Variants in DNAH5 observed in about 807,000 individuals in gnomAD.
The protein encoded by DNAH5 is axonemal beta dynein heavy chain 5.
Under a neutral mutation model 518.2 loss-of-function variants are expected in DNAH5, and 372 were observed. The ratio of observed to expected loss-of-function variants is 0.72; its 90% CI spans 0.66 to 0.78. The LOEUF is 0.78. Ranked by LOEUF, DNAH5 falls within the 30% of genes least tolerant of loss-of-function variation. The probability of loss-of-function intolerance (pLI) is 0.00; values close to 1 mark genes in which losing one functional copy is unlikely to be tolerated. For missense variants in DNAH5, 5,523 were observed against 5,687.0 expected, an observed-to-expected ratio of 0.97 and a Z score of 0.93; for synonymous variants, 2,039 against 2,025.9, an observed-to-expected ratio of 1.01 and a Z score of -0.17.
At chr5:13,838,035 C>G (rs1260783652) in intron 35 of DNAH5, among the ~76,000 whole-genome samples, 1 of 151,928 alleles carries the variant, frequency 6.6e-6, no homozygotes, top group Non-Finnish European at 1.5e-5. Context: ...TTCTAATGGG[C>G]AAATCGTCAT....
chr5:13,943,448 C>T lies in DNAH5; in HGVS notation c.57+934G>A, dbSNP rs79646345. Among the ~76,000 whole-genome samples, 823 of 152,284 alleles carry T rather than the reference C, an allele frequency of 5.4e-3. 16 individuals are homozygous for T. Among genetic ancestry groups the T allele is most frequent in the East Asian group, 0.037 (193 of 5,178 alleles). The stretch of plus-strand genomic sequence containing the variant: ...ACCTCCTCCTCAAAGTGTCAGGGGA[C>T]GCTTCTCAGAGGAGGTAACACTAGC... On this transcript the variant is annotated intron_variant, in intron 1 of 78. Transcript: ENST00000265104.
chr5:13,757,375 T>C (rs1751145703), intron 61 of DNAH5, among the ~76,000 whole-genome samples: 1 of 152,228 alleles, frequency 6.6e-6, no homozygotes, highest in East Asian at 1.9e-4. Flanking sequence ...TGTTGTTTTT[T>C]GACTTTTTAA....
Position 13,859,477 on chromosome 5 carries a change from C to T in DNAH5, c.4925G>A (p.Gly1642Glu), listed in dbSNP as rs934381467. The T allele has an allele frequency of 3.7e-6, 6 of 1,613,928 alleles. No homozygotes were observed. Among genetic ancestry groups the T allele is most frequent in the Non-Finnish European group, 5.1e-6 (6 of 1,179,964 alleles). The change falls in exon 30 of 79, where the codon GGA (glycine) becomes GAA (glutamate). Residue 1642 changes from glycine (G) to glutamate (E), a missense_variant. Coordinates refer to ENST00000265104, the MANE Select transcript of DNAH5 (RefSeq NM_001369.3). ...CTTGGGCAGCTGCTTGGCAATGTCT[C>T]CTCCCACAAAGACAGCTTCTAAATA... ...WIYLEAVFVG[G>E]DIAKQLPKEA...
intron 61 of DNAH5, 115 bp from the exon 62 acceptor site, chr5:13,754,453 T>C: frequency 8.6e-7 from 1 of 1,165,784 alleles, no homozygotes; most frequent in South Asian, 1.2e-5. Flanking sequence ...ATGTGAGCCA[T>C]TACTTCACAA....
rs571590967 is a variant in DNAH5, at chr5:13,907,540, A to C, written c.1644+3846T>G. Among the ~76,000 whole-genome samples, 52 of 152,324 alleles carry C rather than the reference A, an allele frequency of 3.4e-4. 1 individual carries two copies. In the South Asian group the frequency reaches 9.5e-3, roughly 28 times the overall value. The stretch of plus-strand genomic sequence containing the variant: ...GCATTAAAGGTGAAACGTGTTGTAA[A>C]AAGAATGACTTAAATATCAAAGATT... On this transcript the variant is annotated intron_variant, in intron 12 of 78. Coordinates refer to ENST00000265104, the MANE Select transcript of DNAH5 (RefSeq NM_001369.3).
intron 63 of DNAH5, 58 bp downstream of exon 63, chr5:13,753,171 TTTTG>T: frequency 7.8e-7 from 1 of 1,278,024 alleles, no homozygotes; most frequent in Non-Finnish European, 1.1e-6. Context: ...ACTCTTGGAT[TTTTG>T]TTTATCTGAG....
At chr5:13,732,185 T>C (rs914171065) in intron 68 of DNAH5, among the ~76,000 whole-genome samples, 3 of 151,436 alleles carry the variant, frequency 2.0e-5, no homozygotes, top group African/African-American at 4.9e-5. Flanking sequence ...TACAACAGAA[T>C]ATCACATTCT....
Position 13,815,737 on chromosome 5 carries a change from T to C in DNAH5, c.6989-891A>G, listed in dbSNP as rs544091995. Among the ~76,000 whole-genome samples, 3 of 152,318 alleles carry C rather than the reference T, an allele frequency of 2.0e-5. No individual in the cohort carries two copies. The South Asian group carries it at 6.2e-4, about 32-fold the overall frequency. On this transcript the variant is annotated intron_variant, in intron 42 of 78. Coordinates refer to ENST00000265104, the MANE Select transcript of DNAH5 (RefSeq NM_001369.3). ...GAGGGCAGTGGGAAAGACAGAGCTA[T>C]GGAACCCATTCTGGTTTGCACCTAA...
chr5:13,942,639 T>A (rs1230487253), intron 1 of DNAH5, among the ~76,000 whole-genome samples: 2 of 152,020 alleles, frequency 1.3e-5, no homozygotes, highest in African/African-American at 4.8e-5. Context: ...TCCTCCACCA[T>A]CCCCCACGTG....
chr5:13,957,757 C>T (rs1016328668), intron 1 of DNAH5, among the ~76,000 whole-genome samples: 1 of 151,580 alleles, frequency 6.6e-6, no homozygotes, highest in Non-Finnish European at 1.5e-5. Context: ...TAAAATGTAA[C>T]ATCATCTTTT....
chr5:13,867,817 A>G lies in DNAH5; in HGVS notation c.4010T>C (p.Val1337Ala), dbSNP rs773420709. ...FKKELISAVE[V>A]FLQDCHQFYL... Reference sequence around the variant, plus strand: ...AAACTGGTGACAATCTTGGAGGAATACCTCCACAGCACTAATAAGCTCTTT... The same window carrying G: ...AAACTGGTGACAATCTTGGAGGAATGCCTCCACAGCACTAATAAGCTCTTT... The change falls in exon 25 of 79, where the codon GTA becomes GCA. Residue 1337 changes from valine (V) to alanine (A), a missense_variant. Transcript: ENST00000265104. 1.9e-6 allele frequency: 3 copies of G among 1,613,790 alleles called. No homozygotes were observed. Among genetic ancestry groups the G allele is most frequent in the East Asian group, 4.5e-5 (2 of 44,884 alleles).
At chr5:13,706,274 C>T (rs1742779026) in intron 76 of DNAH5, among the ~76,000 whole-genome samples, 1 of 152,182 alleles carries the variant, frequency 6.6e-6, no homozygotes, top group African/African-American at 2.4e-5. Flanking sequence ...CTTGATTTCC[C>T]CCTCCTTCCA....
In DNAH5 at chr5:13,735,938, A is replaced by C; in HGVS notation, c.11456-6T>G. On this transcript the variant is annotated splice_polypyrimidine_tract_variant and splice_region_variant and intron_variant, in intron 66 of 78. Coordinates refer to ENST00000265104, the MANE Select transcript of DNAH5 (RefSeq NM_001369.3). ...GATGCTGCCCCGCGTAGCCACTGGA[A>C]GACAAAGAGCAAGGTTGCATGTGCT... 6.2e-7 allele frequency: 1 copy of C among 1,610,040 alleles called. No individual in the cohort carries two copies. The highest frequency in any genetic ancestry group is 1.1e-5 in the South Asian group (1 of 91,004).
chr5:13,858,005 T>C (rs1311904439), intron 30 of DNAH5, among the ~76,000 whole-genome samples: 2 of 151,754 alleles, frequency 1.3e-5, no homozygotes, highest in African/African-American at 4.8e-5. Context: ...GCCAAAACAG[T>C]GTGGTGATTC....
chr5:13,948,975 T>C (rs1033565218), upstream of DNAH5, among the ~76,000 whole-genome samples: 4 of 151,962 alleles, frequency 2.6e-5, no homozygotes, highest in African/African-American at 4.8e-5. Context: ...TCTAGAGAAA[T>C]CCTGGTTGAG....
intron 35 of DNAH5, among the ~76,000 whole-genome samples, chr5:13,838,893 G>A (rs114749183): frequency 0.037 from 5,552 of 151,750 alleles, 143 homozygotes; most frequent in Middle Eastern, 0.059. Flanking sequence ...CTTGTAAATA[G>A]CAGGCCAAGG....
chr5:13,856,949 C>A (rs776688827), intron 30 of DNAH5, among the ~76,000 whole-genome samples: 9 of 152,190 alleles, frequency 5.9e-5, no homozygotes, highest in Non-Finnish European at 1.0e-4. Flanking sequence ...TGAAAACCGA[C>A]ACAAGACAAG....
In DNAH5 at chr5:13,751,408, C is replaced by A. The variant is rs1203405719; in HGVS notation, c.11029-148G>T. 1.2e-5 allele frequency: 9 copies of A among 735,042 alleles called. No homozygotes were observed. The African/African-American group carries it at 1.4e-4, about 12-fold the overall frequency. The allele number at this position is 735,042 out of a possible 1,614,324, so 45.5% of individuals were successfully genotyped here. ...AAGAAATGGTCATGAGGCGTCTGCA[C>A]AGCTTCAGACAACTAGGATGAAAGA... On this transcript the variant is annotated intron_variant, in intron 64 of 78. Coordinates refer to ENST00000265104, the MANE Select transcript of DNAH5 (RefSeq NM_001369.3).
chr5:13,697,910 T>A (rs1295133342), intron 78 of DNAH5, among the ~76,000 whole-genome samples: 17 of 152,230 alleles, frequency 1.1e-4, no homozygotes, highest in Admixed American at 1.1e-3. Context: ...ATGGCTTGAA[T>A]TTGTCCCCTA....
Sources: allele counts gnomAD v4.1 joint callset (sites outside exome capture counted in the v4.1 genomes callset), GRCh38; gene constraint gnomAD v4.1.1; transcripts MANE v1.5; gene names NCBI Gene and HGNC (gene_info 2026-07-23, HGNC 2026-07-21).